The following TPO variants were observed in gnomAD, a reference collection of about 807,000 sequenced individuals.
TPO encodes thyroid microsomal antigen.
TPO carries 78 observed loss-of-function variants against 96.9 expected under a neutral mutation model. The ratio of observed to expected loss-of-function variants is 0.81; its 90% CI spans 0.67 to 0.97. The LOEUF (loss-of-function observed/expected upper bound fraction) is 0.97, where lower values mean the gene tolerates loss of function less well. Ranked by LOEUF, TPO falls within the 50% of genes least tolerant of loss-of-function variation. TPO has a pLI of 0.00. For synonymous variants in TPO, 547 were observed against 538.0 expected (o/e 1.02, Z -0.23); for missense variants, 1,252 against 1,274.8 (o/e 0.98, Z 0.27).
chr2:1,533,150 TCCC>T (rs1375978528), intron 15 of TPO, among the ~76,000 whole-genome samples: 2 of 63,950 alleles, frequency 3.1e-5, no homozygotes, highest in African/African-American at 1.6e-4. Flanking sequence ...CGTCCCCAAA[TCCC>T]CCCACTGTGA....
chr2:1,474,400 A>G (rs1437305410), intron 7 of TPO, among the ~76,000 whole-genome samples: 4 of 152,148 alleles, frequency 2.6e-5, no homozygotes, highest in Non-Finnish European at 4.4e-5. Context: ...ATTGATCTGT[A>G]TGCCCTGTCC....
intron 5 of TPO, among the ~76,000 whole-genome samples, chr2:1,449,921 C>G (rs773852001): frequency 6.6e-6 from 1 of 152,082 alleles, no homozygotes; most frequent in African/African-American, 2.4e-5. Flanking sequence ...GTCTTAATTG[C>G]CTTCAATCAA....
chr2:1,537,483 C>A (rs56335520), intron 15 of TPO, among the ~76,000 whole-genome samples: 4,066 of 51,376 alleles, frequency 0.079, 2 homozygotes, highest in African/African-American at 0.12. Flanking sequence ...AATTCTTCCA[C>A]TCTGTGCAGC....
chr2:1,527,908 TCCC>T (rs1238531277), intron 15 of TPO, among the ~76,000 whole-genome samples: 2 of 28,634 alleles, frequency 7.0e-5, no homozygotes, highest in Non-Finnish European at 1.3e-4. Flanking sequence ...CCTCCTCAAA[TCCC>T]CCCAATGTGA....
intron 15 of TPO, among the ~76,000 whole-genome samples, chr2:1,527,783 A>C (rs1573570674): frequency 1.8e-5 from 2 of 110,122 alleles, no homozygotes; most frequent in Non-Finnish European, 1.8e-5. Context: ...ACTCTGTGCA[A>C]CCTCCCAAAA....
At chr2:1,521,234 T>G (rs1558398109) in intron 15 of TPO, among the ~76,000 whole-genome samples, 1 of 152,214 alleles carries the variant, frequency 6.6e-6, no homozygotes, top group Non-Finnish European at 1.5e-5. Flanking sequence ...GCAGCCAGGT[T>G]TGTCCTCCGT....
chr2:1,376,368 T>C (rs971369528), intron 1 of TPO, among the ~76,000 whole-genome samples: 1 of 152,238 alleles, frequency 6.6e-6, no homozygotes, highest in African/African-American at 2.4e-5. Context: ...CCTAAAAGTT[T>C]CTTTGATTTG....
intron 5 of TPO, among the ~76,000 whole-genome samples, chr2:1,451,841 C>A (rs1667331676): frequency 6.6e-6 from 1 of 152,122 alleles, no homozygotes; most frequent in South Asian, 2.1e-4. Context: ...TTCTAATTCT[C>A]TCATATTTCC....
In TPO at chr2:1,423,039, C is replaced by A. The variant is rs764544676; in HGVS notation, c.95-6C>A. ...CGCTTTGACTGTGTGACATTCTGTT[C>A]CGTAGGAAAGCCTGAGGAGTCTCGT... On this transcript the variant is annotated splice_polypyrimidine_tract_variant and splice_region_variant and intron_variant, in intron 2 of 16. Coordinates refer to ENST00000329066, the MANE Select transcript of TPO (RefSeq NM_001206744.2). 2 of 1,614,020 alleles carry A rather than the reference C, an allele frequency of 1.2e-6. No homozygotes were observed. The highest frequency in any genetic ancestry group is 1.7e-6 in the Non-Finnish European group (2 of 1,179,908).
chr2:1,457,906 GAT>G (rs1667995747), intron 7 of TPO, among the ~76,000 whole-genome samples: 1 of 151,888 alleles, frequency 6.6e-6, no homozygotes, highest in Admixed American at 6.6e-5. Flanking sequence ...TGGCATATAA[GAT>G]AGTGTGTGGG....
intron 15 of TPO, among the ~76,000 whole-genome samples, chr2:1,520,614 C>T (rs937926015): frequency 1.8e-4 from 27 of 152,362 alleles, no homozygotes; most frequent in African/African-American, 4.8e-4. Flanking sequence ...TGCAAATCTA[C>T]GATTCGGAGT....
chr2:1,452,888 A>G (rs1025410605), intron 5 of TPO, among the ~76,000 whole-genome samples: 2 of 152,238 alleles, frequency 1.3e-5, no homozygotes, highest in African/African-American at 4.8e-5. Flanking sequence ...TTAACACAGT[A>G]CACTCGGAAC....
rs1215907598 is a variant in TPO, at chr2:1,462,624, G to A, written c.819+6342G>A. 2.0e-5 allele frequency among the ~76,000 whole-genome samples: 3 copies of A among 152,214 alleles called. No homozygotes were observed. In the East Asian group the frequency reaches 5.8e-4, roughly 29 times the overall value. ...AAAGAAATTATGAAATTTTAATTTA[G>A]TGTTGTTGAGGGTATTGAGAAATCA... On this transcript the variant is annotated intron_variant, in intron 7 of 16. Transcript: ENST00000329066.
chr2:1,406,193 G>A (rs1662247077), intron 1 of TPO, among the ~76,000 whole-genome samples: 1 of 152,170 alleles, frequency 6.6e-6, no homozygotes, highest in African/African-American at 2.4e-5. Flanking sequence ...AATTACTTAA[G>A]TGTATTTACC....
intron 15 of TPO, among the ~76,000 whole-genome samples, chr2:1,529,869 ACTGTGTGC>A: frequency 1.1e-5 from 1 of 87,894 alleles, no homozygotes; most frequent in Non-Finnish European, 2.2e-5. Context: ...AATTGCCCCC[ACTGTGTGC>A]AACCTCCTCA....
intron 10 of TPO, among the ~76,000 whole-genome samples, chr2:1,489,253 ACCCAGCACACACCCACACATG>A (rs1348275508): frequency 8.6e-4 from 118 of 137,172 alleles, no homozygotes; most frequent in Middle Eastern, 4.4e-3. Flanking sequence ...CCTAGCACAT[ACCCAGCACACACCCACACATG>A]CCCAGCACAC....
intron 16 of TPO, 147 bp from the exon 17 acceptor site, chr2:1,542,274 T>C: frequency 8.8e-7 from 1 of 1,131,906 alleles, no homozygotes. Context: ...CCCTCCAGCA[T>C]GACAAGCAAG....
chr2:1,499,778 T>G lies in TPO; in HGVS notation c.2386+3013T>G, dbSNP rs1464814583. Among the ~76,000 whole-genome samples the G allele has an allele frequency of 4.6e-5, 7 of 152,350 alleles. No homozygotes were observed. In the East Asian group the frequency reaches 1.3e-3, roughly 29 times the overall value. On this transcript the variant is annotated intron_variant, in intron 13 of 16. Transcript: ENST00000329066. ...TGTCTTCTCTCTCTAGTTCACTAAC[T>G]TGGGCCCAACTTCATGTTCTCCTGC... is the stretch of plus-strand genomic sequence containing the variant.
Position 1,477,442 on chromosome 2 carries a change from C to T in TPO, c.1176C>T (p.Ala392=), listed in dbSNP as rs1297395624. ...PGETRGPCFL[A]GDGRASEVPS... ...AGACCCGCGGGCCCTGCTTCCTGGCCGGAGACGGCCGCGCCAGCGAGGTCC... is the reference window on the plus strand; with the variant it reads ...AGACCCGCGGGCCCTGCTTCCTGGCTGGAGACGGCCGCGCCAGCGAGGTCC... Residue 392 remains alanine (A), a synonymous_variant, in exon 8 of 17, where the codon GCC becomes GCT. Coordinates refer to ENST00000329066, the MANE Select transcript of TPO (RefSeq NM_001206744.2). The T allele has an allele frequency of 5.0e-5, 76 of 1,523,376 alleles. No individual in the cohort carries two copies. In the East Asian group the frequency reaches 1.1e-3, roughly 22 times the overall value. 94.4% of individuals were successfully genotyped at this position (1,523,376 alleles called of 1,614,324 possible). A position where few individuals can be genotyped will look rare whatever the true frequency, so the allele number is the denominator to read the frequency against.
Sources: gnomAD v4.1 joint callset for allele counts (sites outside exome capture counted in the v4.1 genomes callset) on GRCh38, gnomAD v4.1.1 for gene constraint, MANE v1.5 for transcripts, NCBI Gene and HGNC (gene_info 2026-07-23, HGNC 2026-07-21) for gene names.